The following SORCS3 variants were observed in gnomAD, a reference collection of about 807,000 sequenced individuals.
SORCS3 encodes the protein sortilin related VPS10 domain containing receptor 3.
In SORCS3, 57 loss-of-function variants were observed where a neutral mutation model predicts 146.3. The observed-to-expected ratio is 0.39, with a 90% CI of 0.31 to 0.49. SORCS3 has a LOEUF of 0.49. Ranked by LOEUF, SORCS3 falls within the 20% of genes least tolerant of loss-of-function variation. The pLI is 0.92. For missense variants in SORCS3, 1,341 were observed against 1,575.5 expected (o/e 0.85, Z 2.52); for synonymous variants, 653 against 618.5 (o/e 1.06, Z -0.83).
At chr10:104,701,838 T>G (rs1364094433) in intron 1 of SORCS3, among the ~76,000 whole-genome samples, 1 of 152,182 alleles carries the variant, frequency 6.6e-6, no homozygotes, top group Non-Finnish European at 1.5e-5. Context: ...GTAGAAAAAT[T>G]ATCCTTTCCA....
At chr10:104,926,077 C>G (rs746100703) in intron 3 of SORCS3, among the ~76,000 whole-genome samples, 1 of 152,216 alleles carries the variant, frequency 6.6e-6, no homozygotes, top group African/African-American at 2.4e-5. Context: ...GTGCTGACCG[C>G]AGTGGCTGCT....
intron 3 of SORCS3, among the ~76,000 whole-genome samples, chr10:104,916,694 G>A (rs747244437): frequency 6.6e-6 from 1 of 152,072 alleles, no homozygotes; most frequent in Admixed American, 6.6e-5. Context: ...ATTTAGAAAC[G>A]TAGGCAGACA....
intron 1 of SORCS3, among the ~76,000 whole-genome samples, chr10:104,697,517 G>T (rs2016230982): frequency 1.3e-5 from 2 of 152,072 alleles, no homozygotes; most frequent in Admixed American, 6.6e-5. Flanking sequence ...GTATTTACTG[G>T]GTCTTCTTGT....
chr10:104,789,292 G>A (rs2017470860), intron 1 of SORCS3, among the ~76,000 whole-genome samples: 1 of 152,216 alleles, frequency 6.6e-6, no homozygotes, highest in Non-Finnish European at 1.5e-5. Context: ...TCTGATAGGT[G>A]CCTTGTGAGT....
At chr10:105,176,474 G>A (rs2056403404) in intron 13 of SORCS3, among the ~76,000 whole-genome samples, 1 of 151,790 alleles carries the variant, frequency 6.6e-6, no homozygotes, top group South Asian at 2.1e-4. Context: ...AATCACTTGA[G>A]CTGAAGAGTT....
intron 5 of SORCS3, among the ~76,000 whole-genome samples, chr10:105,082,060 T>C (rs1057444153): frequency 6.6e-6 from 1 of 152,228 alleles, no homozygotes; most frequent in African/African-American, 2.4e-5. Flanking sequence ...CCAAGTGCTA[T>C]AATAGGATCA....
At chr10:104,902,191 G>T (rs925570721) in intron 2 of SORCS3, among the ~76,000 whole-genome samples, 1 of 152,228 alleles carries the variant, frequency 6.6e-6, no homozygotes, top group Non-Finnish European at 1.5e-5. Context: ...TTAAGTGTGA[G>T]CCACTGAAGA....
At chr10:104,676,453 A>G (rs1273532727) in intron 1 of SORCS3, among the ~76,000 whole-genome samples, 2 of 152,270 alleles carry the variant, frequency 1.3e-5, no homozygotes, top group Non-Finnish European at 2.9e-5. Flanking sequence ...AGAAGGAATA[A>G]TGATGATAAC....
intron 1 of SORCS3, among the ~76,000 whole-genome samples, chr10:104,807,135 T>TTTTTTTTTTTTTTTTG (rs1392376583): frequency 6.6e-6 from 1 of 151,654 alleles, no homozygotes; most frequent in Non-Finnish European, 1.5e-5. Flanking sequence ...CTGTTGCTTT[T>TTTTTTTTTTTTTTTTG]AAGAAATGGT....
chr10:105,211,397 T>C, intron 17 of SORCS3, 147 bp downstream of exon 17: 1 of 635,660 alleles, frequency 1.6e-6, no homozygotes, highest in East Asian at 2.7e-5. Context: ...TGAGGAGTTC[T>C]TTAGCTGAGA....
rs554824914 is a variant in SORCS3 at position 105,252,232 on chromosome 10, T to A, written c.3106-543T>A. Among the ~76,000 whole-genome samples, 108 of 152,324 alleles carry A rather than the reference T, an allele frequency of 7.1e-4. 1 individual carries two copies. Among genetic ancestry groups the A allele is most frequent in the South Asian group, 1.9e-3 (9 of 4,834 alleles). On this transcript the variant is annotated intron_variant, in intron 22 of 26. Coordinates refer to ENST00000369701, the MANE Select transcript of SORCS3 (RefSeq NM_014978.3). ...TAAATTAAGTCTTTCAGAAAACAAA[T>A]TGGCAATATGTATCAATTTCTAGCA...
chr10:105,085,771 C>A (rs1254261996), intron 5 of SORCS3, among the ~76,000 whole-genome samples: 3 of 152,020 alleles, frequency 2.0e-5, no homozygotes, highest in Non-Finnish European at 4.4e-5. Flanking sequence ...TCTCTTAGAG[C>A]ATTTCCCTGT....
At chr10:105,122,798 G>T (rs748639155) in intron 7 of SORCS3, among the ~76,000 whole-genome samples, 1 of 152,178 alleles carries the variant, frequency 6.6e-6, no homozygotes, top group African/African-American at 2.4e-5. Flanking sequence ...CAAGGATCAT[G>T]GTAGTTTTCA....
At chr10:104,903,147 G>GT (rs1246671399) in intron 2 of SORCS3, among the ~76,000 whole-genome samples, 1 of 152,188 alleles carries the variant, frequency 6.6e-6, no homozygotes, top group East Asian at 1.9e-4. Flanking sequence ...CTCCGAGTCT[G>GT]TTTCCTCATT....
chr10:104,890,828 A>G (rs942068337), intron 2 of SORCS3, among the ~76,000 whole-genome samples: 2 of 152,198 alleles, frequency 1.3e-5, no homozygotes, highest in African/African-American at 4.8e-5. Flanking sequence ...CACGACAATT[A>G]AACATTTCTC....
intron 1 of SORCS3, among the ~76,000 whole-genome samples, chr10:104,669,857 G>C (rs1195671938): frequency 5.3e-5 from 8 of 150,922 alleles, no homozygotes; most frequent in Non-Finnish European, 1.2e-4. Context: ...TAGAACAGAA[G>C]TCTTCCAATT....
At chr10:105,154,372 C>T (rs1046825714) in intron 9 of SORCS3, among the ~76,000 whole-genome samples, 3 of 152,212 alleles carry the variant, frequency 2.0e-5, no homozygotes, top group African/African-American at 7.2e-5. Context: ...GTCCTGAGGT[C>T]TCTGGGAGGT....
intron 3 of SORCS3, among the ~76,000 whole-genome samples, chr10:104,924,271 G>A (rs540056406): frequency 6.6e-6 from 1 of 152,196 alleles, no homozygotes; most frequent in Non-Finnish European, 1.5e-5. Context: ...TGGGGCGGGA[G>A]CAGTTTACAG....
intron 1 of SORCS3, among the ~76,000 whole-genome samples, chr10:104,778,169 A>G (rs150613996): frequency 0.011 from 1,720 of 152,324 alleles, 79 homozygotes; most frequent in Admixed American, 0.086. Context: ...GGATATCCCA[A>G]TTACCCTGAT....
Sources: allele counts gnomAD v4.1 joint callset (sites outside exome capture counted in the v4.1 genomes callset), GRCh38; gene constraint gnomAD v4.1.1; transcripts MANE v1.5; gene names NCBI Gene and HGNC (gene_info 2026-07-23, HGNC 2026-07-21).